Variants in SHC3 observed in about 807,000 individuals in gnomAD.
SHC3 encodes the protein SHC adaptor protein 3.
Under a neutral mutation model 60.4 loss-of-function variants are expected in SHC3, and 15 were observed. The ratio of observed to expected loss-of-function variants is 0.25; its 90% CI spans 0.17 to 0.38. The LOEUF is 0.38. Among genes scored for constraint, SHC3 ranks in the 10% least tolerant of loss-of-function variants. The pLI is 1.00. For synonymous variants in SHC3, 294 were observed against 325.9 expected (o/e 0.90, Z 1.05); for missense variants, 677 against 786.1 (o/e 0.86, Z 1.66).
intron 11 of SHC3, among the ~76,000 whole-genome samples, chr9:89,037,696 A>G (rs1484823313): frequency 2.0e-5 from 3 of 152,264 alleles, no homozygotes; most frequent in Non-Finnish European, 4.4e-5. Context: ...ATGTGTTTGT[A>G]AGGAAAATGC....
chr9:89,025,011 G>A (rs1484186410), intron 11 of SHC3, among the ~76,000 whole-genome samples: 3 of 152,192 alleles, frequency 2.0e-5, no homozygotes, highest in Non-Finnish European at 4.4e-5. Context: ...CCTGGGAAAC[G>A]TGTAAGTGGA....
At chr9:89,114,191 T>C (rs1249085556) in intron 1 of SHC3, among the ~76,000 whole-genome samples, 2 of 152,140 alleles carry the variant, frequency 1.3e-5, no homozygotes, top group Non-Finnish European at 2.9e-5. Context: ...ATTATGAAGA[T>C]ACCACAAAAA....
intron 11 of SHC3, among the ~76,000 whole-genome samples, chr9:89,023,037 G>GT (rs1826231537): frequency 6.6e-6 from 1 of 152,224 alleles, no homozygotes; most frequent in Admixed American, 6.5e-5. Context: ...TTCCAGGCAT[G>GT]TGATGGGTTT....
rs1826010475 is a variant in SHC3 at position 89,011,259 on chromosome 9, A to G, written c.*2188T>C. 1 of 152,236 alleles carries G rather than the reference A, an allele frequency of 6.6e-6. No homozygotes were observed. The highest frequency in any genetic ancestry group is 6.5e-5 in the Admixed American group (1 of 15,282). The allele number at this position is 152,236 out of a possible 1,614,324, so 9.4% of individuals were successfully genotyped here. ...ATTTTCTATCACCATCGAACTAGAC[A>G]CTGACTTCACAGCAAGAGCTACTAA... On this transcript the variant is annotated 3_prime_UTR_variant, in exon 12 of 12. Coordinates refer to ENST00000375835, the MANE Select transcript of SHC3 (RefSeq NM_016848.6).
intron 7 of SHC3, among the ~76,000 whole-genome samples, chr9:89,051,566 G>C (rs1163353815): frequency 6.6e-6 from 1 of 152,228 alleles, no homozygotes; most frequent in Non-Finnish European, 1.5e-5. Context: ...AAACTACCAA[G>C]CTGTTAAGCT....
chr9:89,092,247 G>A (rs1825632266), intron 2 of SHC3, among the ~76,000 whole-genome samples: 1 of 152,086 alleles, frequency 6.6e-6, no homozygotes, highest in African/African-American at 2.4e-5. Flanking sequence ...TCACAGCATT[G>A]TTTTGCCTAG....
intron 1 of SHC3, among the ~76,000 whole-genome samples, chr9:89,127,894 C>A (rs536130480): frequency 2.0e-5 from 3 of 151,820 alleles, no homozygotes; most frequent in African/African-American, 7.2e-5. Context: ...ATCTGTTTTA[C>A]CTTCCAGCTG....
intron 9 of SHC3, among the ~76,000 whole-genome samples, chr9:89,043,011 G>C (rs997292626): frequency 6.6e-6 from 1 of 152,170 alleles, no homozygotes; most frequent in Non-Finnish European, 1.5e-5. Context: ...GAGTCTTTTT[G>C]TGTGTGCGCC....
intron 11 of SHC3, among the ~76,000 whole-genome samples, chr9:89,021,824 C>G (rs796684359): frequency 3.3e-5 from 5 of 152,308 alleles, no homozygotes; most frequent in African/African-American, 1.2e-4. Context: ...CTGTCACACA[C>G]AGCCCTACCT....
chr9:89,022,306 C>T (rs571027970), intron 11 of SHC3, among the ~76,000 whole-genome samples: 20 of 152,066 alleles, frequency 1.3e-4, no homozygotes, highest in Non-Finnish European at 2.1e-4. Context: ...GGGGAAATTC[C>T]TACAGTGGGG....
chr9:89,022,645 A>C (rs1299888924), intron 11 of SHC3, among the ~76,000 whole-genome samples: 1 of 152,180 alleles, frequency 6.6e-6, no homozygotes, highest in Non-Finnish European at 1.5e-5. Context: ...CTTATGAACA[A>C]GCATGTACAG....
chr9:89,025,982 G>A (rs1416243771), intron 11 of SHC3, among the ~76,000 whole-genome samples: 1 of 152,096 alleles, frequency 6.6e-6, no homozygotes, highest in Non-Finnish European at 1.5e-5. Flanking sequence ...AGTGGCTCAC[G>A]CCTGTAATCC....
chr9:89,071,202 G>A lies in SHC3; in HGVS notation c.780C>T (p.Asp260=), dbSNP rs2117994379. The change falls in exon 5 of 12, where the codon GAC becomes GAT. Residue 260 remains aspartate (D), a synonymous_variant. Transcript: ENST00000375835. The part of the protein sequence containing the change: ...MRSISFASGG[D]PDTTDYVAYV... The stretch of plus-strand genomic sequence containing the variant: ...GACCAACCCCAAGGGTACTTACCGG[G>A]TCTCCCCCAGAGGCGAAGGAGATGG... 2 of 1,614,082 alleles carry A rather than the reference G, an allele frequency of 1.2e-6. No homozygotes were observed. The highest frequency in any genetic ancestry group is 8.5e-7 in the Non-Finnish European group (1 of 1,179,990).
At chr9:89,028,788 A>C (rs1485504759) in intron 11 of SHC3, among the ~76,000 whole-genome samples, 1 of 146,426 alleles carries the variant, frequency 6.8e-6, no homozygotes, top group Non-Finnish European at 1.5e-5. Context: ...AGATATAGAG[A>C]GATATAGAGA....
intron 6 of SHC3, among the ~76,000 whole-genome samples, chr9:89,054,307 C>T (rs962179360): frequency 1.3e-5 from 2 of 152,092 alleles, no homozygotes; most frequent in African/African-American, 4.8e-5. Flanking sequence ...GTGAGTAGAC[C>T]CATGGACTCT....
At chr9:89,096,142 T>C (rs1273272047) in intron 2 of SHC3, among the ~76,000 whole-genome samples, 2 of 152,220 alleles carry the variant, frequency 1.3e-5, no homozygotes, top group African/African-American at 4.8e-5. Context: ...CGCACAAACG[T>C]TGAATACGCA....
chr9:89,152,319 T>A (rs1219612911), intron 1 of SHC3, among the ~76,000 whole-genome samples: 2 of 152,238 alleles, frequency 1.3e-5, no homozygotes, highest in Non-Finnish European at 2.9e-5. Context: ...TGGGCATAGA[T>A]CAATTACCAT....
intron 1 of SHC3, among the ~76,000 whole-genome samples, chr9:89,146,697 G>A (rs1370917496): frequency 6.6e-6 from 1 of 152,168 alleles, no homozygotes; most frequent in Admixed American, 6.5e-5. Context: ...GTCAGAACTA[G>A]TGCCAGAAAA....
chr9:89,121,740 G>A (rs747351332), intron 1 of SHC3, among the ~76,000 whole-genome samples: 3 of 152,176 alleles, frequency 2.0e-5, no homozygotes, highest in Non-Finnish European at 4.4e-5. Flanking sequence ...TCCAGTATTG[G>A]AAATGATGCA....
Sources: allele counts gnomAD v4.1 joint callset (sites outside exome capture counted in the v4.1 genomes callset), GRCh38; gene constraint gnomAD v4.1.1; transcripts MANE v1.5; gene names NCBI Gene and HGNC (gene_info 2026-07-23, HGNC 2026-07-21).